Variants in TENM3 observed in about 807,000 individuals in gnomAD.
TENM3 encodes the protein teneurin-3.
A neutral mutation model predicts 255.1 loss-of-function variants in TENM3; 63 were observed. The observed-to-expected ratio is 0.25, with a 90% confidence interval of 0.20 to 0.30. The LOEUF (loss-of-function observed/expected upper bound fraction) is 0.30. TENM3 is among the 10% of genes least tolerant of loss of function. TENM3 has a pLI of 1.00. For missense variants in TENM3, 2,929 were observed against 3,461.1 expected (o/e 0.85, Z 3.86); for synonymous variants, 1,306 against 1,322.3 (o/e 0.99, Z 0.27).
Position 182,792,938 on chromosome 4 carries a change from A to T in TENM3, c.6266A>T (p.Glu2089Val). The T allele has an allele frequency of 6.2e-7, 1 of 1,613,862 alleles. No individual in the cohort carries two copies. Among genetic ancestry groups the T allele is most frequent in the Non-Finnish European group, 8.5e-7 (1 of 1,179,786 alleles). ...TTTGATGCTCATGGCCGTATCAAGG[A>T]GATTCAATATGAGATATTCAGGTCG... Reference protein sequence around the residue: ...KHFDAHGRIKEIQYEIFRSLM... With the variant: ...KHFDAHGRIKVIQYEIFRSLM... The change falls in exon 26 of 28, where the codon GAG becomes GTG. Residue 2089 changes from glutamate to valine, a missense_variant. Glu to Val is a moderately radical substitution (Grantham distance 121, BLOSUM62 -2). Transcript: ENST00000511685. The surrounding 1 kb of genome is among the most constrained non-coding windows in gnomAD (Gnocchi z 6.3).
At chr4:182,595,446 A>C (rs10033526) in intron 3 of TENM3, among the ~76,000 whole-genome samples, 50,359 of 152,052 alleles carry the variant, frequency 0.33, 9,696 homozygotes, top group East Asian at 0.47. Context: ...TGGGAACAGA[A>C]TGCCTTAAGT....
the TENM3 span, among the ~76,000 whole-genome samples, chr4:181,588,170 G>T: frequency 6.6e-6 from 1 of 151,778 alleles, no homozygotes; most frequent in Non-Finnish European, 1.5e-5. Flanking sequence ...AGCGGCCTCT[G>T]CTCGCAGTCC....
intron 1 of TENM3, among the ~76,000 whole-genome samples, chr4:182,264,928 G>T (rs921742273): frequency 6.6e-6 from 1 of 150,562 alleles, no homozygotes; most frequent in Non-Finnish European, 1.5e-5. Context: ...CTGAAAAATG[G>T]TTTTTTTTTC....
chr4:181,596,622 A>G, the TENM3 span, among the ~76,000 whole-genome samples: 8 of 152,240 alleles, frequency 5.3e-5, no homozygotes, highest in Non-Finnish European at 1.2e-4. Flanking sequence ...CTATTTAAAA[A>G]AAATAAGATC....
chr4:181,689,410 G>A, the TENM3 span, among the ~76,000 whole-genome samples: 4 of 152,164 alleles, frequency 2.6e-5, no homozygotes, highest in African/African-American at 9.6e-5. Context: ...AGCCACACCT[G>A]TCAAGATGGT....
At chr4:182,569,276 C>G (rs1332921253) in intron 3 of TENM3, among the ~76,000 whole-genome samples, 1 of 152,098 alleles carries the variant, frequency 6.6e-6, no homozygotes, top group East Asian at 1.9e-4. Context: ...GGGTACAGGC[C>G]AGGCGCAGTG....
intron 1 of TENM3, among the ~76,000 whole-genome samples, chr4:182,245,320 T>A (rs1284065570): frequency 6.6e-6 from 1 of 152,212 alleles, no homozygotes; most frequent in African/African-American, 2.4e-5. Flanking sequence ...TCCTCCGGCA[T>A]CATTTAGAAA....
At chr4:181,546,978 A>T in the TENM3 span, among the ~76,000 whole-genome samples, 2 of 152,106 alleles carry the variant, frequency 1.3e-5, no homozygotes, top group Non-Finnish European at 2.9e-5. Flanking sequence ...TGACCCATCC[A>T]GATTCAAAAC....
At chr4:181,739,661 A>G in the TENM3 span, among the ~76,000 whole-genome samples, 1 of 152,196 alleles carries the variant, frequency 6.6e-6, no homozygotes, top group South Asian at 2.1e-4. Flanking sequence ...TGAGTAGACC[A>G]GCATCAAAAG....
chr4:181,821,064 G>A, the TENM3 span, among the ~76,000 whole-genome samples: 3 of 152,174 alleles, frequency 2.0e-5, no homozygotes, highest in Non-Finnish European at 4.4e-5. Flanking sequence ...ATTCCAGAGA[G>A]AGCCACTCCT....
chr4:181,581,116 T>A, the TENM3 span, among the ~76,000 whole-genome samples: 10 of 151,734 alleles, frequency 6.6e-5, no homozygotes, highest in African/African-American at 2.4e-4. Flanking sequence ...GGAAAATAAC[T>A]GGAAAAACAA....
At chr4:182,187,489 G>A (rs1753240993) in intron 1 of TENM3, among the ~76,000 whole-genome samples, 1 of 152,132 alleles carries the variant, frequency 6.6e-6, no homozygotes, top group Non-Finnish European at 1.5e-5. Context: ...CTCCCCAAAT[G>A]AGGACAGACA....
chr4:181,704,863 T>C, the TENM3 span, among the ~76,000 whole-genome samples: 20 of 152,000 alleles, frequency 1.3e-4, no homozygotes, highest in South Asian at 1.9e-3. Flanking sequence ...TGAAACCCCG[T>C]CTCTACTAAA....
chr4:182,636,754 A>G (rs563024026), intron 5 of TENM3, among the ~76,000 whole-genome samples: 33 of 152,096 alleles, frequency 2.2e-4, no homozygotes, highest in Admixed American at 1.8e-3. Flanking sequence ...AAAAGAATAC[A>G]CTTAAACAGA....
chr4:182,421,768 C>T (rs1770848638), intron 3 of TENM3, among the ~76,000 whole-genome samples: 1 of 152,112 alleles, frequency 6.6e-6, no homozygotes, highest in Admixed American at 6.6e-5. Flanking sequence ...AATCTAAATG[C>T]TGTCTAATCA....
the TENM3 span, among the ~76,000 whole-genome samples, chr4:181,716,511 A>T: frequency 6.6e-6 from 1 of 152,176 alleles, no homozygotes; most frequent in Non-Finnish European, 1.5e-5. Flanking sequence ...GACTAGCACA[A>T]GTCTAGTTGC....
chr4:182,168,449 C>G (rs1751867845), intron 1 of TENM3, among the ~76,000 whole-genome samples: 1 of 152,128 alleles, frequency 6.6e-6, no homozygotes. Context: ...TATGTATTTT[C>G]TTCTCTCTGG....
At chr4:182,021,701 A>G in the TENM3 span, among the ~76,000 whole-genome samples, 3 of 149,638 alleles carry the variant, frequency 2.0e-5, no homozygotes, top group Admixed American at 1.4e-4. Flanking sequence ...AGAATGTTCT[A>G]GAAATTGGTG....
At chr4:182,076,769 C>T in the TENM3 span, among the ~76,000 whole-genome samples, 51,106 of 151,834 alleles carry the variant, frequency 0.34, 8,696 homozygotes, top group Middle Eastern at 0.41. Flanking sequence ...CTTTGTGGGC[C>T]CTGTGATCTC....
Sources: allele counts gnomAD v4.1 joint callset (sites outside exome capture counted in the v4.1 genomes callset), GRCh38; gene constraint gnomAD v4.1.1; non-coding constraint Gnocchi (gnomAD v3.1); transcripts MANE v1.5; gene names NCBI Gene and HGNC (gene_info 2026-07-23, HGNC 2026-07-21).